Variants in FAM222A observed in about 807,000 individuals in gnomAD.
FAM222A encodes family with sequence similarity 222 member A.
FAM222A carries 7 observed loss-of-function variants against 25.8 expected under a neutral mutation model. The observed-to-expected ratio is 0.27, with a 90% CI of 0.15 to 0.51. The LOEUF is 0.51. Among genes scored for constraint, FAM222A ranks in the 20% least tolerant of loss-of-function variants. The probability of loss-of-function intolerance (pLI) is 0.97; values close to 1 mark genes in which losing one functional copy is unlikely to be tolerated. For synonymous variants in FAM222A, 294 were observed against 298.8 expected, an observed-to-expected ratio of 0.98 and a Z score of 0.17; for missense variants, 573 against 640.5, an observed-to-expected ratio of 0.89 and a Z score of 1.14.
intron 2 of FAM222A, among the ~76,000 whole-genome samples, chr12:109,765,386 G>GC (rs2136386073): frequency 6.6e-6 from 1 of 152,300 alleles, no homozygotes; most frequent in East Asian, 1.9e-4. Flanking sequence ...CTTTCCTGCA[G>GC]CGAAGAGGCC....
intron 1 of FAM222A, among the ~76,000 whole-genome samples, chr12:109,733,981 AGT>A (rs1888010868): frequency 6.6e-6 from 1 of 152,150 alleles, no homozygotes; most frequent in African/African-American, 2.4e-5. Flanking sequence ...GGGAGGCTGA[AGT>A]GAGAAGGTTG....
chr12:109,760,613 GC>G (rs5800872), intron 2 of FAM222A, among the ~76,000 whole-genome samples: 62,931 of 152,012 alleles, frequency 0.41, 13,485 homozygotes, highest in Non-Finnish European at 0.47. Flanking sequence ...CACCCTCCCT[GC>G]CCACCTCAGT....
chr12:109,761,450 T>C (rs1888893979), intron 2 of FAM222A, among the ~76,000 whole-genome samples: 3 of 152,298 alleles, frequency 2.0e-5, no homozygotes, highest in African/African-American at 7.2e-5. Context: ...CTGGCAATTA[T>C]AGAAAAGCAC....
chr12:109,715,621 A>C (rs1887628929), intron 1 of FAM222A, among the ~76,000 whole-genome samples: 1 of 152,134 alleles, frequency 6.6e-6, no homozygotes, highest in Admixed American at 6.5e-5. Context: ...CTCTGACCTA[A>C]ATCCTTAGCG....
intron 1 of FAM222A, among the ~76,000 whole-genome samples, chr12:109,726,838 C>T (rs758808861): frequency 5.9e-5 from 9 of 152,188 alleles, no homozygotes; most frequent in Non-Finnish European, 1.3e-4. Flanking sequence ...CGCCAACCCC[C>T]ATCCGCCCTT....
At chr12:109,739,747 T>C (rs1427928501) in intron 1 of FAM222A, among the ~76,000 whole-genome samples, 1 of 152,200 alleles carries the variant, frequency 6.6e-6, no homozygotes, top group Non-Finnish European at 1.5e-5. Flanking sequence ...ATGGAGCTGC[T>C]GTACAGTGTG....
chr12:109,755,161 T>C (rs1205324433), intron 2 of FAM222A, among the ~76,000 whole-genome samples: 1 of 152,218 alleles, frequency 6.6e-6, no homozygotes, highest in African/African-American at 2.4e-5. Context: ...ACAATGTCTT[T>C]GGTCACTTGT....
chr12:109,728,373 C>T (rs1410557514), intron 1 of FAM222A, among the ~76,000 whole-genome samples: 1 of 152,286 alleles, frequency 6.6e-6, no homozygotes, highest in East Asian at 1.9e-4. Context: ...ATTGTGGCTT[C>T]TGGTGAGGCC....
intron 1 of FAM222A, among the ~76,000 whole-genome samples, chr12:109,715,342 T>C (rs958931224): frequency 6.6e-6 from 1 of 152,048 alleles, no homozygotes; most frequent in African/African-American, 2.4e-5. Context: ...GTGGCCACGT[T>C]TGAGAATTGT....
intron 2 of FAM222A, chr12:109,744,784 G>A: frequency 1.0e-6 from 1 of 984,678 alleles, no homozygotes; most frequent in Non-Finnish European, 1.2e-6. Context: ...GAAGTACTTA[G>A]AAACGGAGAT....
At chr12:109,741,067 G>A (rs1164876293) in intron 1 of FAM222A, among the ~76,000 whole-genome samples, 5 of 152,188 alleles carry the variant, frequency 3.3e-5, no homozygotes, top group Admixed American at 3.3e-4. Context: ...CCACGCCGGG[G>A]CCAGAGAGGT....
chr12:109,766,252 C>A (rs1363841033), intron 2 of FAM222A, among the ~76,000 whole-genome samples: 1 of 152,242 alleles, frequency 6.6e-6, no homozygotes, highest in Non-Finnish European at 1.5e-5. Flanking sequence ...CATACCCCCT[C>A]AGCCCCGGAA....
At chr12:109,758,845 C>G (rs1161195980) in intron 2 of FAM222A, among the ~76,000 whole-genome samples, 1 of 152,168 alleles carries the variant, frequency 6.6e-6, no homozygotes, top group African/African-American at 2.4e-5. Flanking sequence ...TAGAGAAGCC[C>G]TGGACACCCC....
chr12:109,728,085 G>T (rs1462738885), intron 1 of FAM222A, among the ~76,000 whole-genome samples: 1 of 152,190 alleles, frequency 6.6e-6, no homozygotes, highest in Non-Finnish European at 1.5e-5. Context: ...CCTGAGTAAA[G>T]TGCTGAGCTT....
In FAM222A at chr12:109,768,813, C is replaced by T. The variant is rs527356091; in HGVS notation, c.884C>T (p.Pro295Leu). 1.2e-4 allele frequency: 186 copies of T among 1,572,940 alleles called. 1 individual carries two copies. The South Asian group carries it at 1.8e-3, about 15-fold the overall frequency. Reference protein sequence around the residue: ...YLLWPQKPPPPPPQPLRAYSG... With the variant: ...YLLWPQKPPPLPPQPLRAYSG... ...CTGTGGCCGCAGAAACCGCCCCCAC[C>T]GCCGCCCCAGCCACTGCGTGCCTAC... The change falls in exon 3 of 3, where the codon CCG (proline) becomes CTG (leucine). Residue 295 changes from proline (P) to leucine (L), a missense_variant. By Grantham distance (98) the Pro-to-Leu change is moderately conservative. Coordinates refer to ENST00000538780, the MANE Select transcript of FAM222A (RefSeq NM_032829.3).
intron 2 of FAM222A, among the ~76,000 whole-genome samples, chr12:109,758,757 G>A (rs1165445718): frequency 6.6e-6 from 1 of 152,200 alleles, no homozygotes; most frequent in Admixed American, 6.5e-5. Flanking sequence ...GAGTGTGGCA[G>A]CAAAGGGGAA....
intron 2 of FAM222A, among the ~76,000 whole-genome samples, chr12:109,753,798 C>G (rs893480030): frequency 1.3e-5 from 2 of 151,900 alleles, no homozygotes; most frequent in African/African-American, 4.8e-5. Flanking sequence ...GCAGGTGCCA[C>G]TGCTTCCACT....
At chr12:109,759,713 G>A (rs1190948013) in intron 2 of FAM222A, among the ~76,000 whole-genome samples, 3 of 152,200 alleles carry the variant, frequency 2.0e-5, no homozygotes, top group Admixed American at 1.3e-4. Context: ...GTACACAGTG[G>A]GGAGCACCCT....
intron 2 of FAM222A, among the ~76,000 whole-genome samples, chr12:109,749,587 G>T (rs1888504089): frequency 6.6e-6 from 1 of 152,078 alleles, no homozygotes; most frequent in African/African-American, 2.4e-5. Context: ...TCAGGATTCA[G>T]TTTGGTGTAT....
Sources: gnomAD v4.1 joint callset for allele counts (sites outside exome capture counted in the v4.1 genomes callset) on GRCh38, gnomAD v4.1.1 for gene constraint, MANE v1.5 for transcripts, NCBI Gene and HGNC (gene_info 2026-07-23, HGNC 2026-07-21) for gene names.